KRT5: variants seen among roughly 807,000 people sequenced by gnomAD.
KRT5 encodes keratin, type II cytoskeletal 5.
KRT5 carries 17 observed loss-of-function variants against 44.0 expected under a neutral mutation model. The observed-to-expected ratio is 0.39, with a 90% CI of 0.26 to 0.58. The LOEUF (loss-of-function observed/expected upper bound fraction) is 0.58. KRT5 is among the 20% of genes least tolerant of loss of function. The pLI, the probability that KRT5 is intolerant of heterozygous loss-of-function variation, is 0.61. For synonymous variants in KRT5, 329 were observed against 312.8 expected (o/e 1.05, Z -0.55); for missense variants, 737 against 785.5 (o/e 0.94, Z 0.74).
rs765691429 is a variant in KRT5 at position 52,515,155 on chromosome 12, G to A, written c.1560C>T (p.Leu520=). 6.8e-6 allele frequency: 11 copies of A among 1,610,144 alleles called. No individual in the cohort carries two copies. In the East Asian group the frequency reaches 1.1e-4, roughly 16 times the overall value. ...TGCTACCTCCGGCAAGACCTCCACC[G>A]AGGCCGCCGCCAAGACCTCCACCGA... The part of the protein sequence containing the change: ...GGLGGGLGGG[L]GGGLAGGSSG... Residue 520 remains leucine, a synonymous_variant, in exon 9 of 9, where the codon CTC becomes CTT. Coordinates refer to ENST00000252242, the MANE Select transcript of KRT5 (RefSeq NM_000424.4).
rs1303102422 is a variant in KRT5, at chr12:52,518,940, A to G, written c.770+6T>C. The G allele has an allele frequency of 1.2e-6, 2 of 1,613,660 alleles. No homozygotes were observed. Among genetic ancestry groups the G allele is most frequent in the Non-Finnish European group, 1.7e-6 (2 of 1,179,936 alleles). ...TCCCCTGTGTCCACCCTCCACCCCAACTCACTTGTTCTTGAAGTCTTCCAC... is the reference window on the plus strand; with the variant it reads ...TCCCCTGTGTCCACCCTCCACCCCAGCTCACTTGTTCTTGAAGTCTTCCAC... On this transcript the variant is annotated splice_donor_region_variant and intron_variant, in intron 2 of 8. Coordinates refer to ENST00000252242, the MANE Select transcript of KRT5 (RefSeq NM_000424.4).
In KRT5 at chr12:52,517,682, C is replaced by A. The variant is rs770952740; in HGVS notation, c.1000G>T (p.Asp334Tyr). 1 of 1,614,200 alleles carries A rather than the reference C, an allele frequency of 6.2e-7. No individual in the cohort carries two copies. The highest frequency in any genetic ancestry group is 8.5e-7 in the Non-Finnish European group (1 of 1,180,046). Residue 334 changes from aspartate (D) to tyrosine (Y), a missense_variant, in exon 5 of 9, where the codon GAC (aspartate) becomes TAC (tyrosine). By Grantham distance (160) the Asp-to-Tyr change is radical. Coordinates refer to ENST00000252242, the MANE Select transcript of KRT5 (RefSeq NM_000424.4). ...VLSMDNNRNL[D>Y]LDSIIAEVKA... ...ACCTCAGCGATGATGCTATCCAGGT[C>A]CAGGTTGCGGTTGTTGTCCATGGAG... is the stretch of plus-strand genomic sequence containing the variant.
chr12:52,518,471 GTTC>G, intron 2 of KRT5: 1 of 593,410 alleles, frequency 1.7e-6, no homozygotes, highest in Non-Finnish European at 3.2e-6. Flanking sequence ...TTTCTCTAGT[GTTC>G]TTTTTTGAGC....
rs765397274 is a variant in KRT5 at position 52,516,765 on chromosome 12, C to T, written c.1311G>A (p.Glu437=). 18 of 1,614,220 alleles carry T rather than the reference C, an allele frequency of 1.1e-5. No homozygotes were observed. The South Asian group carries it at 2.0e-4, about 18-fold the overall frequency. ...DARNKLAELE[E]ALQKAKQDMA... ...TGTCCTGCTTGGCCTTCTGCAGGGC[C>T]TCCTCCAGCTCGGCCAGCTTGTTCC... is the stretch of plus-strand genomic sequence containing the variant. Residue 437 remains glutamate, a synonymous_variant, in exon 7 of 9, where the codon GAG becomes GAA. Transcript: ENST00000252242.
Position 52,517,616 on chromosome 12 carries a change from C to T in KRT5, c.1066G>A (p.Glu356Lys), listed in dbSNP as rs1195131320. Residue 356 changes from glutamate (E) to lysine (K), a missense_variant, in exon 5 of 9, where the codon GAA becomes AAA. Physicochemically the swap from Glu to Lys is moderately conservative, Grantham distance 56. Transcript: ENST00000252242. ...TTGGTCTGATACCAGGACTCGGCTT[C>T]TGTCCGGCTGCGGTTGGCAATCTCC... Reference protein sequence around the residue: ...YEEIANRSRTEAESWYQTKYE... With the variant: ...YEEIANRSRTKAESWYQTKYE... 7 of 1,614,070 alleles carry T rather than the reference C, an allele frequency of 4.3e-6. No homozygotes were observed. The highest frequency in any genetic ancestry group is 4.5e-5 in the East Asian group (2 of 44,882).
At chr12:52,515,537 G>A (rs1938596494) in intron 8 of KRT5, 1 of 623,382 alleles carries the variant, frequency 1.6e-6, no homozygotes, top group Non-Finnish European at 2.8e-6. Context: ...GGGGAGCTAG[G>A]TACTAGGGAC....
intron 2 of KRT5, chr12:52,518,424 G>T (rs888960588): frequency 6.2e-6 from 4 of 644,714 alleles, no homozygotes; most frequent in Non-Finnish European, 1.1e-5. Flanking sequence ...CTGCAGAAAA[G>T]CTGTGCTGTT....
intron 4 of KRT5, 69 bp from the exon 5 acceptor site, chr12:52,517,823 C>A: frequency 1.9e-6 from 3 of 1,610,270 alleles, no homozygotes; most frequent in Non-Finnish European, 2.6e-6. Flanking sequence ...CCATTCAAAT[C>A]TTTCACTCAT....
chr12:52,517,750 A>G lies in KRT5; in HGVS notation c.932T>C (p.Leu311Pro), dbSNP rs59864957. 6.2e-7 allele frequency: 1 copy of G among 1,614,246 alleles called. No homozygotes were observed. The highest frequency in any genetic ancestry group is 1.1e-5 in the South Asian group (1 of 91,088). The change falls in exon 5 of 9, where the codon CTG becomes CCG. Residue 311 changes from leucine to proline, a missense_variant. Coordinates refer to ENST00000252242, the MANE Select transcript of KRT5 (RefSeq NM_000424.4). Reference protein sequence around the residue: ...NFMKMFFDAELSQMQTHVSDT... With the variant: ...NFMKMFFDAEPSQMQTHVSDT... ...AGAGACATGCGTCTGCATCTGGGAC[A>G]GCTCCTGCAGGGAGATTTGGAGTCG...
In KRT5 at chr12:52,515,005, AC is replaced by A; in HGVS notation, c.1709del (p.Gly570ValfsTer57). 1.3e-6 allele frequency: 2 copies of A among 1,555,482 alleles called. No homozygotes were observed. Among genetic ancestry groups the A allele is most frequent in the East Asian group, 4.7e-5 (2 of 42,334 alleles). ...AGACAAATTTGACGCTGGAGCTGCT[AC>A]CCCCGCCACTGCCAAAGCCCACCCC... ...GLGVGFGSGG[G>X]SSSSVKFVST... On this transcript the variant is annotated frameshift_variant, in exon 9 of 9. Coordinates refer to ENST00000252242, the MANE Select transcript of KRT5 (RefSeq NM_000424.4). LOFTEE classifies it high-confidence loss of function.
chr12:52,514,988 T>C lies in KRT5; in HGVS notation c.1727A>G (p.Lys576Arg). 2.5e-6 allele frequency: 4 copies of C among 1,613,214 alleles called. No homozygotes were observed. The highest frequency in any genetic ancestry group is 3.4e-6 in the Non-Finnish European group (4 of 1,179,874). The change falls in exon 9 of 9, where the codon AAA (lysine) becomes AGA (arginine). Residue 576 changes from lysine to arginine, a missense_variant. Coordinates refer to ENST00000252242, the MANE Select transcript of KRT5 (RefSeq NM_000424.4). The stretch of plus-strand genomic sequence containing the variant: ...GGAGGAGGAGGTGGTGGAGACAAAT[T>C]TGACGCTGGAGCTGCTACCCCCGCC... ...GSGGGSSSSV[K>R]FVSTTSSSRK...
Position 52,518,133 on chromosome 12 carries a change from A to G in KRT5, c.801T>C (p.Thr267=). 6.2e-7 allele frequency: 1 copy of G among 1,614,242 alleles called. No individual in the cohort carries two copies. The highest frequency in any genetic ancestry group is 2.2e-5 in the East Asian group (1 of 44,892). The change falls in exon 3 of 9, where the codon ACT becomes ACC. Residue 267 remains threonine (T), a synonymous_variant. Transcript: ENST00000252242. ...TCAGCATCACAAACTCATTCTCAGC[A>G]GTGGTACGCTTGTTGATTTCATCCT... is the stretch of plus-strand genomic sequence containing the variant. ...KYEDEINKRT[T]AENEFVMLKK... is the part of the protein sequence containing the mutation.
rs11170164 is a variant in KRT5 at position 52,519,884 on chromosome 12, C to T, written c.413G>A (p.Gly138Glu). The T allele has an allele frequency of 0.069, 111,595 of 1,613,822 alleles. 4,399 individuals carry two copies. The highest frequency in any genetic ancestry group is 0.079 in the Non-Finnish European group (92,818 of 1,179,964). The change falls in exon 1 of 9, where the codon GGA (glycine) becomes GAA (glutamate). Residue 138 changes from glycine to glutamate, a missense_variant. This residue lies in a region of KRT5 where 326 missense variants were observed against 333.1 expected (regional missense o/e 0.98). Coordinates refer to ENST00000252242, the MANE Select transcript of KRT5 (RefSeq NM_000424.4). ...GTTGACAGTGACCTCTTGGATACCTCCAGGAGGGCAGACAGGAAAGCCAGG... is the reference window on the plus strand; with the variant it reads ...GTTGACAGTGACCTCTTGGATACCTTCAGGAGGGCAGACAGGAAAGCCAGG... ...GGPGFPVCPP[G>E]GIQEVTVNQS...
chr12:52,519,267 G>T lies in KRT5; in HGVS notation c.556-107C>A, dbSNP rs955387907. 38 of 1,514,660 alleles carry T rather than the reference G, an allele frequency of 2.5e-5. No individual in the cohort carries two copies. The African/African-American group carries it at 4.8e-4, about 19-fold the overall frequency. 93.8% of individuals were successfully genotyped at this position (1,514,660 alleles called of 1,614,324 possible). A position where few individuals can be genotyped will look rare whatever the true frequency, so the allele number is the denominator to read the frequency against. On this transcript the variant is annotated intron_variant, in intron 1 of 8. Transcript: ENST00000252242. ...TTCCGTCCCTCTAAAGCTTTTCTGT[G>T]CACTGTGCCTGGCCCTGGGCCCCAG...
rs767692987 is a variant in KRT5 at position 52,517,149 on chromosome 12, C to T, written c.1176G>A (p.Met392Ile). Residue 392 changes from methionine (M) to isoleucine (I), a missense_variant, in exon 6 of 9, where the codon ATG becomes ATA. Transcript: ENST00000252242. ...CAATCTCGGCTCTCAGCCTCTGGATCATCCGGTTCATCTCAGAGATCTCAT... is the reference window on the plus strand; with the variant it reads ...CAATCTCGGCTCTCAGCCTCTGGATTATCCGGTTCATCTCAGAGATCTCAT... The part of the protein sequence containing the change: ...TKHEISEMNR[M>I]IQRLRAEIDN... 6.2e-7 allele frequency: 1 copy of T among 1,614,196 alleles called. No individual in the cohort carries two copies. The highest frequency in any genetic ancestry group is 8.5e-7 in the Non-Finnish European group (1 of 1,180,034).
At chr12:52,515,329 C>T (rs1395286790) in intron 8 of KRT5, 89 bp from the exon 9 acceptor site, 3 of 1,551,134 alleles carry the variant, frequency 1.9e-6, no homozygotes, top group Non-Finnish European at 2.6e-6. Flanking sequence ...TGTTGGAGCA[C>T]TCTACTGGAC....
intron 5 of KRT5, 100 bp from the exon 6 acceptor site, chr12:52,517,332 G>T: frequency 6.9e-7 from 1 of 1,447,412 alleles, no homozygotes; most frequent in Non-Finnish European, 9.6e-7. Context: ...GGCAAATAGT[G>T]TGGGGCTGGT....
intron 3 of KRT5, 50 bp downstream of exon 3, chr12:52,518,053 G>C (rs769779953): frequency 1.9e-6 from 3 of 1,610,768 alleles, no homozygotes; most frequent in Non-Finnish European, 1.7e-6. Flanking sequence ...TGAGCTCCAC[G>C]CTTAGAGAGC....
Position 52,514,709 on chromosome 12 carries a change from C to T in KRT5, c.*233G>A, listed in dbSNP as rs1938575525. 1.8e-6 allele frequency: 1 copy of T among 550,598 alleles called. No individual in the cohort carries two copies. Among genetic ancestry groups the T allele is most frequent in the Admixed American group, 3.3e-5 (1 of 30,746 alleles). The allele number at this position is 550,598 out of a possible 1,614,324, so 34.1% of individuals were successfully genotyped here. On this transcript the variant is annotated 3_prime_UTR_variant, in exon 9 of 9. Coordinates refer to ENST00000252242, the MANE Select transcript of KRT5 (RefSeq NM_000424.4). ...TTTGGGTTCTCGTGTCAGCAGGGGC[C>T]ATGCTGTGGGAAACCTGAAGGCTGA... is the stretch of plus-strand genomic sequence containing the variant.
Sources: gnomAD v4.1 joint callset for allele counts on GRCh38, gnomAD v4.1.1 for gene constraint, gnomAD v4.1.1 regional missense constraint, MANE v1.5 for transcripts, NCBI Gene and HGNC (gene_info 2026-07-23, HGNC 2026-07-21) for gene names.